SNX9: variants seen among roughly 807,000 people sequenced by gnomAD.
SNX9 encodes the protein sorting nexin 9.
In SNX9, 44 loss-of-function variants were observed where a neutral mutation model predicts 89.4. The ratio of observed to expected loss-of-function variants is 0.49; its 90% confidence interval spans 0.39 to 0.63. The LOEUF (loss-of-function observed/expected upper bound fraction) is 0.63, where lower values mean the gene tolerates loss of function less well. Ranked by LOEUF, SNX9 falls within the 30% of genes least tolerant of loss-of-function variation. The pLI is 0.00. For synonymous variants in SNX9, 236 were observed against 247.8 expected, an observed-to-expected ratio of 0.95 and a Z score of 0.45; for missense variants, 578 against 736.1, an observed-to-expected ratio of 0.79 and a Z score of 2.49.
At chr6:157,859,708 T>C (rs1053266000) in intron 1 of SNX9, among the ~76,000 whole-genome samples, 5 of 152,228 alleles carry the variant, frequency 3.3e-5, no homozygotes, top group African/African-American at 9.6e-5. Context: ...ATTGAGCGTT[T>C]TGTCATGCAT....
intron 1 of SNX9, among the ~76,000 whole-genome samples, chr6:157,858,267 A>G (rs1349810213): frequency 1.4e-5 from 2 of 138,878 alleles, no homozygotes; most frequent in African/African-American, 5.4e-5. Context: ...TTTTTTTGAG[A>G]TGGAGTTTTG....
intron 9 of SNX9, among the ~76,000 whole-genome samples, chr6:157,911,102 G>A (rs1304780560): frequency 6.8e-6 from 1 of 146,256 alleles, no homozygotes; most frequent in African/African-American, 2.7e-5. Flanking sequence ...GACAGAGCGA[G>A]ACTCTGTCTC....
chr6:157,918,221 A>G (rs962257171), intron 9 of SNX9, among the ~76,000 whole-genome samples: 2 of 152,156 alleles, frequency 1.3e-5, no homozygotes, highest in African/African-American at 4.8e-5. Flanking sequence ...ATTTAACATT[A>G]TGATTAGTGG....
At chr6:157,849,695 G>A (rs1019986661) in intron 1 of SNX9, among the ~76,000 whole-genome samples, 5 of 152,192 alleles carry the variant, frequency 3.3e-5, no homozygotes, top group African/African-American at 7.2e-5. Flanking sequence ...GGAAAGGAAT[G>A]AGAGGAGGAG....
chr6:157,828,530 G>T (rs1469928839), intron 1 of SNX9, among the ~76,000 whole-genome samples: 1 of 151,756 alleles, frequency 6.6e-6, no homozygotes, highest in African/African-American at 2.4e-5. Flanking sequence ...GTCTCACTTT[G>T]TCATCCAGGC....
rs943177107 is a variant in SNX9 at position 157,875,196 on chromosome 6, T to C, written c.300+20T>C. ...CACCAGGTACGTCTCACTTCCTCCTTCTGGATGTGGCTGGCTTTACGGAAA... is the reference window on the plus strand; with the variant it reads ...CACCAGGTACGTCTCACTTCCTCCTCCTGGATGTGGCTGGCTTTACGGAAA... On this transcript the variant is annotated intron_variant, in intron 4 of 17. Transcript: ENST00000392185. 9.4e-6 allele frequency: 15 copies of C among 1,596,864 alleles called. No individual in the cohort carries two copies. Among genetic ancestry groups the C allele is most frequent in the Non-Finnish European group, 1.2e-5 (14 of 1,169,868 alleles).
chr6:157,902,992 CT>C (rs1253373481), intron 6 of SNX9, among the ~76,000 whole-genome samples: 3 of 152,028 alleles, frequency 2.0e-5, no homozygotes, highest in Non-Finnish European at 2.9e-5. Context: ...TTTAACAGTA[CT>C]TGTAGATACC....
chr6:157,837,708 C>G (rs977993176), intron 1 of SNX9, among the ~76,000 whole-genome samples: 3 of 152,202 alleles, frequency 2.0e-5, no homozygotes, highest in Admixed American at 6.5e-5. Context: ...TATTATAGGA[C>G]CCATATGCAT....
At chr6:157,917,649 T>TA (rs1350787441) in intron 9 of SNX9, among the ~76,000 whole-genome samples, 5 of 152,148 alleles carry the variant, frequency 3.3e-5, no homozygotes, top group Non-Finnish European at 7.4e-5. Flanking sequence ...TGATATAAAA[T>TA]GGTATAGTAT....
intron 1 of SNX9, among the ~76,000 whole-genome samples, chr6:157,844,611 T>TTTTTTTTA (rs1781768879): frequency 6.6e-6 from 1 of 150,792 alleles, no homozygotes; most frequent in African/African-American, 2.5e-5. Flanking sequence ...TTTTTTTTTT[T>TTTTTTTTA]GAGACAGAGT....
chr6:157,918,183 T>C (rs1440259974), intron 9 of SNX9, among the ~76,000 whole-genome samples: 1 of 152,190 alleles, frequency 6.6e-6, no homozygotes, highest in Non-Finnish European at 1.5e-5. Context: ...TTTCTAGTTC[T>C]ATCAATTATT....
chr6:157,832,555 T>G (rs1032006551), intron 1 of SNX9, among the ~76,000 whole-genome samples: 3 of 152,194 alleles, frequency 2.0e-5, no homozygotes, highest in Non-Finnish European at 2.9e-5. Context: ...CTAGGTAATT[T>G]ATAAAGAAAA....
chr6:157,911,099 C>T (rs897009266), intron 9 of SNX9, among the ~76,000 whole-genome samples: 1 of 148,190 alleles, frequency 6.7e-6, no homozygotes, highest in Non-Finnish European at 1.5e-5. Context: ...GGCGACAGAG[C>T]GAGACTCTGT....
chr6:157,894,095 GCTTTT>G (rs1379282789), intron 4 of SNX9, among the ~76,000 whole-genome samples: 1 of 134,804 alleles, frequency 7.4e-6, no homozygotes, highest in Non-Finnish European at 1.6e-5. Flanking sequence ...TTTTCTTTTC[GCTTTT>G]CTTTTCTTTT....
rs757587297 is a variant in SNX9 at position 157,932,267 on chromosome 6, A to G, written c.1361A>G (p.Tyr454Cys). Residue 454 changes from tyrosine to cysteine, a missense_variant, in exon 13 of 18, where the codon TAT (tyrosine) becomes TGT (cysteine). By Grantham distance (194) the Tyr-to-Cys change is radical. Around this residue, in one of 2 missense-constraint regions of SNX9, gnomAD observed 348 missense variants for 491.4 expected, o/e 0.71. Coordinates refer to ENST00000392185, the MANE Select transcript of SNX9 (RefSeq NM_016224.5). ...SLATVFSSSG[Y>C]QGETDLNDAI... ...GCCACAGTGTTCAGTTCCAGTGGCTATCAAGGTGCGTCTTTCTTCATTCAT... is the reference window on the plus strand; with the variant it reads ...GCCACAGTGTTCAGTTCCAGTGGCTGTCAAGGTGCGTCTTTCTTCATTCAT... 5.6e-6 allele frequency: 9 copies of G among 1,613,982 alleles called. No individual in the cohort carries two copies. Among genetic ancestry groups the G allele is most frequent in the Admixed American group, 1.7e-5 (1 of 60,000 alleles).
intron 1 of SNX9, 151 bp from the exon 2 acceptor site, chr6:157,867,396 T>G: frequency 1.7e-6 from 1 of 583,884 alleles, no homozygotes; most frequent in Admixed American, 2.6e-5. Flanking sequence ...AGCAGATGAG[T>G]CATTTTGGTA....
At chr6:157,831,810 A>G (rs1002062810) in intron 1 of SNX9, among the ~76,000 whole-genome samples, 3 of 152,224 alleles carry the variant, frequency 2.0e-5, no homozygotes, top group Non-Finnish European at 4.4e-5. Flanking sequence ...TCAGTCTGGC[A>G]GTGGCTCAGG....
At chr6:157,864,225 C>T (rs1258270411) in intron 1 of SNX9, among the ~76,000 whole-genome samples, 1 of 152,032 alleles carries the variant, frequency 6.6e-6, no homozygotes, top group Non-Finnish European at 1.5e-5. Context: ...GACGGGTGAG[C>T]GAGAGTAAAC....
intron 6 of SNX9, among the ~76,000 whole-genome samples, chr6:157,904,420 A>T (rs1205619597): frequency 6.6e-6 from 1 of 151,856 alleles, no homozygotes; most frequent in Non-Finnish European, 1.5e-5. Flanking sequence ...GGCGACACAG[A>T]GACTCTGTCT....
Sources: allele counts gnomAD v4.1 joint callset (sites outside exome capture counted in the v4.1 genomes callset), GRCh38; gene constraint gnomAD v4.1.1; regional missense constraint gnomAD v4.1.1; transcripts MANE v1.5; gene names NCBI Gene and HGNC (gene_info 2026-07-23, HGNC 2026-07-21).